The following PCDHGA1 variants were observed in gnomAD, a reference collection of about 807,000 sequenced individuals.
PCDHGA1 encodes protocadherin gamma subfamily A, 1.
PCDHGA1 carries 32 observed loss-of-function variants against 58.0 expected under a neutral mutation model. That is an observed-to-expected ratio of 0.55 (90% CI 0.42 to 0.74). The LOEUF is 0.74. Among genes scored for constraint, PCDHGA1 ranks in the 30% least tolerant of loss-of-function variants. PCDHGA1 has a pLI of 0.00. For missense variants in PCDHGA1, 1,205 were observed against 1,182.3 expected (o/e 1.02, Z -0.28); for synonymous variants, 498 against 501.1 (o/e 0.99, Z 0.08).
intron 1 of PCDHGA1, chr5:141,344,234 C>T (rs949298138): frequency 5.0e-6 from 8 of 1,614,066 alleles, no homozygotes; most frequent in Admixed American, 1.7e-5. Context: ...TCCGCATCGT[C>T]TCCAGAGGTA....
chr5:141,500,645 A>C (rs2099801792), intron 2 of PCDHGA1, among the ~76,000 whole-genome samples: 1 of 152,228 alleles, frequency 6.6e-6, no homozygotes, highest in African/African-American at 2.4e-5. Flanking sequence ...GTTTTTTAAA[A>C]ATAGCAACTG....
Position 141,487,892 on chromosome 5 carries a change from T to A in PCDHGA1, c.2422-6915T>A. On this transcript the variant is annotated intron_variant, in intron 1 of 3. Coordinates refer to ENST00000517417, the MANE Select transcript of PCDHGA1 (RefSeq NM_018912.3). The surrounding 1 kb of genome is among the most constrained non-coding windows in gnomAD (Gnocchi z 5.0). The stretch of plus-strand genomic sequence containing the variant: ...GAGCCAGGCTGTTGTGGAAGCATGA[T>A]GATGGAATGTGGGAGCACAGGAGGC... 1 of 731,410 alleles carries A rather than the reference T, an allele frequency of 1.4e-6. No homozygotes were observed. Among genetic ancestry groups the A allele is most frequent in the South Asian group, 1.8e-5 (1 of 54,120 alleles). The allele number at this position is 731,410 out of a possible 1,614,324, so 45.3% of individuals were successfully genotyped here. A position where few individuals can be genotyped will look rare whatever the true frequency, so the allele number is the denominator to read the frequency against.
chr5:141,388,496 G>A (rs1296141749), intron 1 of PCDHGA1: 9 of 1,613,710 alleles, frequency 5.6e-6, no homozygotes, highest in South Asian at 4.4e-5. Context: ...ACAGAGAAAA[G>A]CAGAAATCCT....
chr5:141,393,098 C>G (rs1172367083), intron 1 of PCDHGA1: 1 of 1,613,610 alleles, frequency 6.2e-7, no homozygotes, highest in African/African-American at 1.3e-5. Flanking sequence ...GGGAGGAGCT[C>G]TGCGCTCAGA....
In PCDHGA1 at chr5:141,355,391, T is replaced by C. The variant is rs537544095; in HGVS notation, c.2421+22286T>C. The stretch of plus-strand genomic sequence containing the variant: ...CCCCGGGAGCTGGCGGAGCGCGGAG[T>C]CCGCATCGTCTCCAGAGGTAGGACG... On this transcript the variant is annotated intron_variant, in intron 1 of 3. Coordinates refer to ENST00000517417, the MANE Select transcript of PCDHGA1 (RefSeq NM_018912.3). 4 of 1,613,888 alleles carry C rather than the reference T, an allele frequency of 2.5e-6. No individual in the cohort carries two copies. In the Admixed American group the frequency reaches 6.7e-5, roughly 27 times the overall value.
chr5:141,347,137 C>CTCTGTCTTTCTTTCTTTCTTTCTTTCTT (rs375338309), intron 1 of PCDHGA1, among the ~76,000 whole-genome samples: 2 of 113,834 alleles, frequency 1.8e-5, no homozygotes, highest in African/African-American at 7.7e-5. Flanking sequence ...CTCTGTTTCT[C>CTCTGTCTTTCTTTCTTTCTTTCTTTCTT]TCTTTCTTTC....
chr5:141,494,778 CA>C (rs1228639033), intron 1 of PCDHGA1, 28 bp from the exon 2 acceptor site: 1 of 1,614,086 alleles, frequency 6.2e-7, no homozygotes, highest in Admixed American at 1.7e-5. Flanking sequence ...CACGGGTACT[CA>C]GCCCCTTTCC....
intron 1 of PCDHGA1, chr5:141,370,168 C>T (rs890245618): frequency 2.2e-6 from 1 of 458,196 alleles, no homozygotes; most frequent in East Asian, 3.2e-5. Flanking sequence ...GCAGCAGAGG[C>T]GCCGGGTGCC....
intron 1 of PCDHGA1, chr5:141,393,206 A>C (rs774279389): frequency 1.2e-6 from 2 of 1,613,470 alleles, no homozygotes; most frequent in African/African-American, 1.3e-5. Context: ...ATAATAACCC[A>C]AAATTCCAGG....
chr5:141,427,694 A>T (rs758628764), intron 1 of PCDHGA1: 2 of 913,932 alleles, frequency 2.2e-6, no homozygotes, highest in Non-Finnish European at 3.5e-6. Context: ...CCTCCATCCC[A>T]CAAGTCAGCG....
At chr5:141,443,467 C>T (rs2098389901) in intron 1 of PCDHGA1, among the ~76,000 whole-genome samples, 2 of 152,156 alleles carry the variant, frequency 1.3e-5, no homozygotes, top group African/African-American at 4.8e-5. Context: ...GTCTGGGTGA[C>T]AGAATTAGAC....
chr5:141,365,804 G>T, intron 1 of PCDHGA1: 1 of 1,613,872 alleles, frequency 6.2e-7, no homozygotes, highest in African/African-American at 1.3e-5. Context: ...CTACTCCCTG[G>T]CTGAAGACAC....
intron 1 of PCDHGA1, chr5:141,400,208 T>G: frequency 6.2e-7 from 1 of 1,614,042 alleles, no homozygotes; most frequent in South Asian, 1.1e-5. Context: ...GCCTTGGCCT[T>G]GATCTCAGTG....
intron 1 of PCDHGA1, chr5:141,413,694 C>T: frequency 6.2e-7 from 1 of 1,613,800 alleles, no homozygotes; most frequent in Non-Finnish European, 8.5e-7. Context: ...CCCTGCAGAG[C>T]TATCAGCTCA....
At chr5:141,387,213 G>C (rs1279285840) in intron 1 of PCDHGA1, among the ~76,000 whole-genome samples, 4 of 152,128 alleles carry the variant, frequency 2.6e-5, no homozygotes, top group Admixed American at 1.3e-4. Flanking sequence ...ATACTCTCCG[G>C]AAAAAGTTGA....
Position 141,371,037 on chromosome 5 carries a change from G to A in PCDHGA1, c.2421+37932G>A, listed in dbSNP as rs373150812. 63 of 1,613,876 alleles carry A rather than the reference G, an allele frequency of 3.9e-5. No homozygotes were observed. The African/African-American group carries it at 7.9e-4, about 20-fold the overall frequency. ...ACATCACCACCTGGTCCTCACAGCT[G>A]TGGATGGGGGCGAGCCCTCCAGAAG... On this transcript the variant is annotated intron_variant, in intron 1 of 3. Transcript: ENST00000517417.
chr5:141,336,814 A>G (rs1756638744), intron 1 of PCDHGA1, among the ~76,000 whole-genome samples: 1 of 152,214 alleles, frequency 6.6e-6, no homozygotes, highest in Non-Finnish European at 1.5e-5. Flanking sequence ...TAAAAACTAT[A>G]TGCAGCAAAG....
At chr5:141,338,473 G>T (rs1186917139) in intron 1 of PCDHGA1, among the ~76,000 whole-genome samples, 1 of 152,160 alleles carries the variant, frequency 6.6e-6, no homozygotes, top group Non-Finnish European at 1.5e-5. Context: ...CAAGGGCAGT[G>T]GTGGCATTGA....
chr5:141,501,902 C>G (rs2154593013), intron 2 of PCDHGA1, among the ~76,000 whole-genome samples: 1 of 152,202 alleles, frequency 6.6e-6, no homozygotes, highest in East Asian at 1.9e-4. Flanking sequence ...GGTTCCAACC[C>G]CACTGTTCCA....
Sources: gnomAD v4.1 joint callset for allele counts (sites outside exome capture counted in the v4.1 genomes callset) on GRCh38, gnomAD v4.1.1 for gene constraint, Gnocchi (gnomAD v3.1) non-coding constraint, MANE v1.5 for transcripts, NCBI Gene and HGNC (gene_info 2026-07-23, HGNC 2026-07-21) for gene names.